Variants in FHIT observed in about 807,000 individuals in gnomAD.
FHIT encodes the protein fragile histidine triad diadenosine triphosphatase, also known as bis(5'-adenosyl)-triphosphatase.
Under a neutral mutation model 17.9 loss-of-function variants are expected in FHIT, and 19 were observed. That is an observed-to-expected ratio of 1.06 (90% CI 0.74 to 1.56). The LOEUF is 1.56. FHIT is among the 40% of genes most tolerant of loss of function. FHIT has a pLI of 0.00. For missense variants in FHIT, 248 were observed against 189.2 expected (o/e 1.31, Z -1.82); for synonymous variants, 81 against 69.7 (o/e 1.16, Z -0.81).
At chr3:59,845,687 G>A (rs898345019) in intron 8 of FHIT, among the ~76,000 whole-genome samples, 1 of 152,064 alleles carries the variant, frequency 6.6e-6, no homozygotes, top group Admixed American at 6.6e-5. Context: ...CTTCATTTGT[G>A]GCCTTGCATA....
intron 5 of FHIT, among the ~76,000 whole-genome samples, chr3:60,343,458 A>AT (rs1308737296): frequency 6.6e-6 from 1 of 152,114 alleles, no homozygotes; most frequent in African/African-American, 2.4e-5. Context: ...GTTTGATTAG[A>AT]TTTTTACCTG....
At chr3:60,338,823 T>G (rs959289062) in intron 5 of FHIT, among the ~76,000 whole-genome samples, 2 of 152,138 alleles carry the variant, frequency 1.3e-5, no homozygotes, top group African/African-American at 4.8e-5. Context: ...AAACACCAAC[T>G]GCAAATTAAG....
intron 5 of FHIT, among the ~76,000 whole-genome samples, chr3:60,468,615 TTC>T (rs2032923989): frequency 6.6e-6 from 1 of 152,132 alleles, no homozygotes; most frequent in South Asian, 2.1e-4. Flanking sequence ...TTTTTGTTGT[TTC>T]TGTTTATATC....
chr3:60,370,888 T>A (rs1431866476), intron 5 of FHIT, among the ~76,000 whole-genome samples: 2 of 152,202 alleles, frequency 1.3e-5, no homozygotes, highest in East Asian at 1.9e-4. Flanking sequence ...TTCCCACACA[T>A]CTCTAGAAAA....
intron 2 of FHIT, among the ~76,000 whole-genome samples, chr3:61,153,939 G>A (rs1007406718): frequency 6.6e-6 from 1 of 152,012 alleles, no homozygotes; most frequent in Non-Finnish European, 1.5e-5. Flanking sequence ...TTTCTTAGGG[G>A]ACAAGGGAAA....
chr3:60,422,131 C>A (rs151743), intron 5 of FHIT, among the ~76,000 whole-genome samples: 2 of 151,908 alleles, frequency 1.3e-5, no homozygotes, highest in African/African-American at 4.8e-5. Context: ...GTTATCCTTG[C>A]TTATAAGCAG....
chr3:60,622,922 G>A (rs1327108127), intron 4 of FHIT, among the ~76,000 whole-genome samples: 1 of 152,188 alleles, frequency 6.6e-6, no homozygotes, highest in Non-Finnish European at 1.5e-5. Flanking sequence ...ACCAGGCAGG[G>A]ATCCAACATT....
At position 60,381,285 on chromosome 3, in the gene FHIT, C is replaced by A. The variant is rs184089223; in HGVS notation, c.103+155575G>T. Among the ~76,000 whole-genome samples, 159 of 152,032 alleles carry A rather than the reference C, an allele frequency of 1.0e-3. 1 individual carries two copies. The highest frequency in any genetic ancestry group is 1.0e-3 in the Non-Finnish European group (69 of 67,990). On this transcript the variant is annotated intron_variant, in intron 5 of 9. Transcript: ENST00000492590. ...CTGAGGTCAGGAGTTTGAGACCAGC[C>A]TCGCCAGCATGTTGAAACCCTATCT...
intron 5 of FHIT, among the ~76,000 whole-genome samples, chr3:60,108,459 T>G (rs916211980): frequency 3.9e-4 from 60 of 152,162 alleles, no homozygotes; most frequent in African/African-American, 1.4e-3. Context: ...CATGCCTATC[T>G]AGTACCCACC....
At chr3:60,432,570 C>T (rs1434654138) in intron 5 of FHIT, among the ~76,000 whole-genome samples, 1 of 152,020 alleles carries the variant, frequency 6.6e-6, no homozygotes, top group Non-Finnish European at 1.5e-5. Flanking sequence ...CTTATCAGTA[C>T]TTCATAAGCA....
intron 5 of FHIT, among the ~76,000 whole-genome samples, chr3:60,488,701 T>C (rs2033943067): frequency 1.3e-5 from 2 of 152,190 alleles, no homozygotes; most frequent in Non-Finnish European, 2.9e-5. Flanking sequence ...TTGCCTAGTA[T>C]ACATAAATAT....
chr3:60,805,608 T>C (rs1553733751), intron 4 of FHIT, among the ~76,000 whole-genome samples: 1 of 152,140 alleles, frequency 6.6e-6, no homozygotes, highest in East Asian at 1.9e-4. Context: ...CAGGCTGGAG[T>C]GCAGTGGCGC....
chr3:60,347,070 AT>A (rs11293904), intron 5 of FHIT, among the ~76,000 whole-genome samples: 149,556 of 151,432 alleles, frequency 0.99, 73,845 homozygotes, highest in Middle Eastern at 1. Context: ...ATATTCTTGA[AT>A]TTTTTTTTTC....
At chr3:60,576,949 TAC>T (rs57891077) in intron 4 of FHIT, among the ~76,000 whole-genome samples, 4,386 of 146,804 alleles carry the variant, frequency 0.03, 178 homozygotes, top group African/African-American at 0.093. Flanking sequence ...TCCATTTGCA[TAC>T]ACACACACAC....
intron 5 of FHIT, among the ~76,000 whole-genome samples, chr3:60,375,278 G>C (rs17062867): frequency 0.016 from 2,478 of 151,954 alleles, 71 homozygotes; most frequent in African/African-American, 0.056. Context: ...CATCAATATT[G>C]AAAGTATAGC....
intron 2 of FHIT, among the ~76,000 whole-genome samples, chr3:61,112,276 T>C (rs553575483): frequency 6.6e-6 from 1 of 150,924 alleles, no homozygotes; most frequent in East Asian, 1.9e-4. Context: ...TTTTTTTTTT[T>C]TCTAAAATGA....
chr3:60,829,547 A>C (rs1450487986), intron 3 of FHIT, among the ~76,000 whole-genome samples: 1 of 152,192 alleles, frequency 6.6e-6, no homozygotes, highest in Non-Finnish European at 1.5e-5. Flanking sequence ...TTGGAAAGTT[A>C]TTAGAAGAGG....
intron 4 of FHIT, among the ~76,000 whole-genome samples, chr3:60,570,737 T>TAA (rs10637926): frequency 0.48 from 63,852 of 132,426 alleles, 16,089 homozygotes; most frequent in Admixed American, 0.55. Flanking sequence ...ATTAAAAAAT[T>TAA]AAAAAAAAAA....
intron 5 of FHIT, among the ~76,000 whole-genome samples, chr3:60,397,500 C>T (rs114954342): frequency 0.012 from 1,805 of 152,240 alleles, 24 homozygotes; most frequent in Middle Eastern, 0.021. Context: ...GCTAACAGCT[C>T]ATTCACTGAC....
Sources: gnomAD v4.1 joint callset for allele counts (sites outside exome capture counted in the v4.1 genomes callset) on GRCh38, gnomAD v4.1.1 for gene constraint, MANE v1.5 for transcripts, NCBI Gene and HGNC (gene_info 2026-07-23, HGNC 2026-07-21) for gene names.